Variants in GPC6 observed in about 807,000 individuals in gnomAD.
GPC6 encodes glypican-6.
Under a neutral mutation model 55.2 loss-of-function variants are expected in GPC6, and 14 were observed. The observed-to-expected ratio is 0.25, with a 90% CI of 0.17 to 0.40. GPC6 has a LOEUF of 0.40. GPC6 is among the 10% of genes least tolerant of loss of function. The probability of loss-of-function intolerance (pLI) is 1.00; values close to 1 mark genes in which losing one functional copy is unlikely to be tolerated. For missense variants in GPC6, 641 were observed against 708.5 expected, an observed-to-expected ratio of 0.90 and a Z score of 1.08; for synonymous variants, 278 against 259.6, an observed-to-expected ratio of 1.07 and a Z score of -0.68.
At chr13:93,940,729 G>A (rs368698919) in intron 3 of GPC6, among the ~76,000 whole-genome samples, 13 of 152,082 alleles carry the variant, frequency 8.5e-5, no homozygotes, top group East Asian at 1.9e-4. Context: ...TTGAGAGTCC[G>A]TTTTAACTTC....
At chr13:93,286,258 A>G (rs1878120810) in intron 1 of GPC6, among the ~76,000 whole-genome samples, 1 of 152,160 alleles carries the variant, frequency 6.6e-6, no homozygotes, top group Admixed American at 6.5e-5. Flanking sequence ...CTAACTCACT[A>G]TCACAAGAAC....
At chr13:93,371,554 C>T (rs890977858) in intron 1 of GPC6, among the ~76,000 whole-genome samples, 24 of 152,068 alleles carry the variant, frequency 1.6e-4, no homozygotes, top group African/African-American at 5.6e-4. Flanking sequence ...ATTCCTTTAA[C>T]ACATGTGTGA....
At chr13:93,959,851 T>C (rs1879686053) in intron 3 of GPC6, among the ~76,000 whole-genome samples, 1 of 152,238 alleles carries the variant, frequency 6.6e-6, no homozygotes, top group South Asian at 2.1e-4. Flanking sequence ...CATACAAATT[T>C]TAAGTAAACT....
intron 3 of GPC6, among the ~76,000 whole-genome samples, chr13:93,932,002 T>C (rs1878203030): frequency 1.3e-5 from 2 of 152,172 alleles, no homozygotes; most frequent in South Asian, 4.1e-4. Context: ...TTAATCATCA[T>C]GTTATAGAGC....
intron 2 of GPC6, among the ~76,000 whole-genome samples, chr13:93,806,940 CA>C (rs35874232): frequency 0.37 from 56,829 of 151,794 alleles, 11,444 homozygotes; most frequent in African/African-American, 0.52. Flanking sequence ...TAAACCTTAC[CA>C]ATGTGAAATA....
intron 3 of GPC6, among the ~76,000 whole-genome samples, chr13:93,908,918 T>C (rs1876816081): frequency 6.6e-6 from 1 of 151,710 alleles, no homozygotes; most frequent in Admixed American, 6.6e-5. Context: ...GGAGGCTTCC[T>C]GACTCTGCTG....
chr13:94,170,993 T>C (rs1371675457), intron 4 of GPC6, among the ~76,000 whole-genome samples: 1 of 152,236 alleles, frequency 6.6e-6, no homozygotes, highest in South Asian at 2.1e-4. Flanking sequence ...GTTGGCTCTT[T>C]AGTTGCTTAT....
At position 94,387,730 on chromosome 13, in the gene GPC6, TTCTCTCTCTCTCTC is replaced by T. The variant is rs3044333; in HGVS notation, c.1289+5202_1289+5215del. On this transcript the variant is annotated intron_variant, in intron 7 of 8. Coordinates refer to ENST00000377047, the MANE Select transcript of GPC6 (RefSeq NM_005708.5). ...TACCCTTGTAAGAGGAGACATGAGT[TTCTCTCTCTCTCTC>T]TCTCTCTCTCTCTCTCTCTCTGCCG... 4.3e-5 allele frequency among the ~76,000 whole-genome samples: 6 copies of T among 141,154 alleles called. No homozygotes were observed. In the South Asian group the frequency reaches 9.4e-4, roughly 22 times the overall value. The allele number at this position is 141,154 out of a possible 152,430, so 92.6% of individuals were successfully genotyped here.
intron 4 of GPC6, among the ~76,000 whole-genome samples, chr13:94,174,619 C>G (rs898149549): frequency 5.3e-5 from 8 of 152,090 alleles, no homozygotes; most frequent in African/African-American, 1.9e-4. Flanking sequence ...TACAGACATT[C>G]TTTTGTAGAT....
chr13:93,543,668 G>T (rs1253536366), intron 1 of GPC6, among the ~76,000 whole-genome samples: 1 of 152,036 alleles, frequency 6.6e-6, no homozygotes, highest in Middle Eastern at 3.2e-3. Flanking sequence ...CCTTTTTAAG[G>T]CTGAGTACTA....
At position 93,322,413 on chromosome 13, in the gene GPC6, C is replaced by A. The variant is rs185675109; in HGVS notation, c.160+94797C>A. The stretch of plus-strand genomic sequence containing the variant: ...CAGAACCAGAAAATCTAAGTTAATT[C>A]TTTTTTTTTTCTTTCTTCTTTTTTT... On this transcript the variant is annotated intron_variant, in intron 1 of 8. Coordinates refer to ENST00000377047, the MANE Select transcript of GPC6 (RefSeq NM_005708.5). Among the ~76,000 whole-genome samples, 694 of 119,458 alleles carry A rather than the reference C, an allele frequency of 5.8e-3. 5 individuals carry two copies. Among genetic ancestry groups the A allele is most frequent in the Middle Eastern group, 0.045 (11 of 244 alleles). 78.4% of individuals were successfully genotyped at this position (119,458 alleles called of 152,430 possible). A position where few individuals can be genotyped will look rare whatever the true frequency, so the allele number is the denominator to read the frequency against.
At chr13:94,156,382 C>T (rs1277268899) in intron 4 of GPC6, among the ~76,000 whole-genome samples, 1 of 151,974 alleles carries the variant, frequency 6.6e-6, no homozygotes, top group Non-Finnish European at 1.5e-5. Flanking sequence ...GATATAGATA[C>T]ATATAGATAC....
intron 2 of GPC6, among the ~76,000 whole-genome samples, chr13:93,652,110 G>T (rs1044788291): frequency 6.6e-6 from 1 of 152,136 alleles, no homozygotes; most frequent in Admixed American, 6.5e-5. Context: ...AGTTAAAGTT[G>T]ACTTTTTCCA....
chr13:93,401,689 C>CTTTTTTTTTTTTT, intron 1 of GPC6, among the ~76,000 whole-genome samples: 1 of 64,506 alleles, frequency 1.6e-5, no homozygotes, highest in Non-Finnish European at 3.3e-5. Context: ...CATGAATGGA[C>CTTTTTTTTTTTTT]TTTTTTTTTT....
intron 3 of GPC6, among the ~76,000 whole-genome samples, chr13:93,865,659 T>C (rs1466539580): frequency 2.0e-5 from 3 of 151,734 alleles, no homozygotes; most frequent in African/African-American, 7.2e-5. Context: ...CCTTCTCTCA[T>C]CAAGGCACAT....
chr13:93,532,862 A>G (rs972759190), intron 1 of GPC6, among the ~76,000 whole-genome samples: 1 of 146,408 alleles, frequency 6.8e-6, no homozygotes, highest in South Asian at 2.1e-4. Context: ...GGTCCCATTT[A>G]AAGGAGCTAT....
chr13:94,109,059 CT>C (rs1886152761), intron 4 of GPC6, among the ~76,000 whole-genome samples: 1 of 151,118 alleles, frequency 6.6e-6, no homozygotes, highest in African/African-American at 2.5e-5. Flanking sequence ...TACAGTGTTT[CT>C]CCTCTAAACA....
intron 1 of GPC6, among the ~76,000 whole-genome samples, chr13:93,529,283 C>A (rs1469727515): frequency 6.6e-6 from 1 of 151,978 alleles, no homozygotes; most frequent in Non-Finnish European, 1.5e-5. Flanking sequence ...GATGTTCTTC[C>A]CTGGTATTGA....
intron 5 of GPC6, among the ~76,000 whole-genome samples, chr13:94,302,420 G>C (rs1364015805): frequency 6.6e-6 from 1 of 152,030 alleles, no homozygotes; most frequent in African/African-American, 2.4e-5. Flanking sequence ...ACCTCCCAAA[G>C]GACCTACCTC....
Sources: gnomAD v4.1 joint callset for allele counts (sites outside exome capture counted in the v4.1 genomes callset) on GRCh38, gnomAD v4.1.1 for gene constraint, MANE v1.5 for transcripts, NCBI Gene and HGNC (gene_info 2026-07-23, HGNC 2026-07-21) for gene names.